SLC25A24: variants seen among roughly 807,000 people sequenced by gnomAD.
SLC25A24 encodes mitochondrial adenyl nucleotide antiporter SLC25A24.
In SLC25A24, 49 loss-of-function variants were observed where a neutral mutation model predicts 60.7. The observed-to-expected ratio is 0.81, with a 90% confidence interval of 0.64 to 1.02. The LOEUF (loss-of-function observed/expected upper bound fraction) is 1.02. Ranked by LOEUF, SLC25A24 falls within the 50% of genes least tolerant of loss-of-function variation. The pLI, the probability that SLC25A24 is intolerant of heterozygous loss-of-function variation, is 0.00. For synonymous variants in SLC25A24, 202 were observed against 200.6 expected (o/e 1.01, Z -0.06); for missense variants, 564 against 586.3 (o/e 0.96, Z 0.39).
chr1:108,174,028 A>G (rs1647576279), intron 3 of SLC25A24, among the ~76,000 whole-genome samples: 1 of 152,352 alleles, frequency 6.6e-6, no homozygotes, highest in South Asian at 2.1e-4. Context: ...TTGCACCCTG[A>G]TGATGTGACA....
Position 108,155,128 on chromosome 1 carries a change from C to T in SLC25A24, c.677G>A (p.Gly226Asp), listed in dbSNP as rs1407291831. 6.2e-7 allele frequency: 1 copy of T among 1,605,946 alleles called. No homozygotes were observed. The highest frequency in any genetic ancestry group is 1.1e-5 in the South Asian group (1 of 89,404). The change falls in exon 6 of 10, where the codon GGT becomes GAT. Residue 226 changes from glycine to aspartate, a missense_variant. Coordinates refer to ENST00000565488, the MANE Select transcript of SLC25A24 (RefSeq NM_013386.5). ...DRLKIMMQVH[G>D]SKSDKMNIFG... ...TATGTTCATTTTGTCTGATTTTGAA[C>T]CGTGAACCTAAAAATAAAAGCAGAA...
At chr1:108,156,652 C>G (rs1558012861) in intron 5 of SLC25A24, among the ~76,000 whole-genome samples, 1 of 152,206 alleles carries the variant, frequency 6.6e-6, no homozygotes, top group Non-Finnish European at 1.5e-5. Flanking sequence ...TTGTAAACAA[C>G]TACTATGTTC....
At chr1:108,178,257 G>A (rs1483069509) in intron 3 of SLC25A24, among the ~76,000 whole-genome samples, 1 of 152,020 alleles carries the variant, frequency 6.6e-6, no homozygotes, top group Non-Finnish European at 1.5e-5. Context: ...CAATAGTAGG[G>A]GACTTCAACA....
chr1:108,181,149 A>G (rs1205474427), intron 3 of SLC25A24, among the ~76,000 whole-genome samples: 1 of 94,250 alleles, frequency 1.1e-5, no homozygotes, highest in Admixed American at 1.0e-4. Context: ...AGCTGTTTGT[A>G]AAAGAAATTA....
Position 108,136,670 on chromosome 1 carries a change from C to T in SLC25A24, c.1417G>A (p.Gly473Arg). The T allele has an allele frequency of 1.9e-6, 3 of 1,613,544 alleles. No individual in the cohort carries two copies. The highest frequency in any genetic ancestry group is 1.7e-4 in the Middle Eastern group (1 of 6,058). Reference sequence around the variant, plus strand: ...ATGCAACATCATTTCTGGGTTACTCCTAAAGTTTGCTTCATATTTTCATAA... The same window carrying T: ...ATGCAACATCATTTCTGGGTTACTCTTAAAGTTTGCTTCATATTTTCATAA... ...VVYENMKQTL[G>R]VTQK The change falls in exon 10 of 10, where the codon GGA (glycine) becomes AGA (arginine). Residue 473 changes from glycine (G) to arginine (R), a missense_variant. Transcript: ENST00000565488.
In SLC25A24 at chr1:108,200,204, C is replaced by G. The variant is rs1477159090; in HGVS notation, c.-66G>C. ...GAGATCGAGGGCTGCGGGGCGAGAC[C>G]GGGACCAGCGCGAGGCCGGGCTGGG... On this transcript the variant is annotated 5_prime_UTR_variant, in exon 1 of 10. Transcript: ENST00000565488. The G allele has an allele frequency of 1.4e-6, 2 of 1,425,380 alleles. No individual in the cohort carries two copies. Among genetic ancestry groups the G allele is most frequent in the Non-Finnish European group, 1.8e-6 (2 of 1,085,086 alleles). 88.3% of individuals were successfully genotyped at this position (1,425,380 alleles called of 1,614,324 possible).
rs548879192 is a variant in SLC25A24 at position 108,194,556 on chromosome 1, T to C, written c.183+5400A>G. On this transcript the variant is annotated intron_variant, in intron 1 of 9. Coordinates refer to ENST00000565488, the MANE Select transcript of SLC25A24 (RefSeq NM_013386.5). ...AGAATTGACAGGAGAGAACAAACCA[T>C]AGAGTTGAGAGTTTCATCTAATAAA... Among the ~76,000 whole-genome samples, 5 of 95,908 alleles carry C rather than the reference T, an allele frequency of 5.2e-5. 2 individuals are homozygous for C. The South Asian group carries it at 2.1e-3, about 41-fold the overall frequency. The allele number at this position is 95,908 out of a possible 152,430, so 62.9% of individuals were successfully genotyped here. A position where few individuals can be genotyped will look rare whatever the true frequency, so the allele number is the denominator to read the frequency against.
rs1216432128 is a variant in SLC25A24 at position 108,164,190 on chromosome 1, T to C, written c.399-2897A>G. On this transcript the variant is annotated intron_variant, in intron 3 of 9. Transcript: ENST00000565488. ...TTTTTGATGTGCTGCTGGATTCAGT[T>C]TGCCAGTATTTTATTGAGGATTTTT... Among the ~76,000 whole-genome samples, 13 of 152,190 alleles carry C rather than the reference T, an allele frequency of 8.5e-5. No homozygotes were observed. In the East Asian group the frequency reaches 2.5e-3, roughly 29 times the overall value.
intron 3 of SLC25A24, among the ~76,000 whole-genome samples, chr1:108,166,603 G>A (rs2101624197): frequency 6.6e-6 from 1 of 152,156 alleles, no homozygotes; most frequent in African/African-American, 2.4e-5. Flanking sequence ...TGAGGCTTCT[G>A]CATTCTTCAT....
At chr1:108,151,224 G>GA (rs1015348756) in intron 6 of SLC25A24, among the ~76,000 whole-genome samples, 27 of 150,680 alleles carry the variant, frequency 1.8e-4, no homozygotes, top group African/African-American at 6.1e-4. Context: ...CATACAAACA[G>GA]AAAAAAAACA....
intron 1 of SLC25A24, among the ~76,000 whole-genome samples, chr1:108,194,812 T>A (rs1379737298): frequency 6.6e-6 from 1 of 152,214 alleles, no homozygotes; most frequent in Non-Finnish European, 1.5e-5. Context: ...ATGAATTTAC[T>A]ATTTATGCTA....
At chr1:108,160,051 G>A (rs1680016177) in intron 4 of SLC25A24, among the ~76,000 whole-genome samples, 1 of 152,036 alleles carries the variant, frequency 6.6e-6, no homozygotes, top group African/African-American at 2.4e-5. Context: ...GCCGGGCAGA[G>A]GCACCCCTCA....
At position 108,200,227 on chromosome 1, in the gene SLC25A24, G is replaced by A. The variant is rs1648623672; in HGVS notation, c.-89C>T. ...ACCGGGACCAGCGCGAGGCCGGGCT[G>A]GGCGGGGCGCGCGGCGCAACAGCGT... is the stretch of plus-strand genomic sequence containing the variant. On this transcript the variant is annotated 5_prime_UTR_variant, in exon 1 of 10. Transcript: ENST00000565488. The A allele has an allele frequency of 1.6e-5, 21 of 1,293,840 alleles. No individual in the cohort carries two copies. In the South Asian group the frequency reaches 3.3e-4, roughly 20 times the overall value. 80.1% of individuals were successfully genotyped at this position (1,293,840 alleles called of 1,614,324 possible).
intron 7 of SLC25A24, among the ~76,000 whole-genome samples, chr1:108,147,036 T>C (rs1679622367): frequency 6.6e-6 from 1 of 152,218 alleles, no homozygotes; most frequent in Admixed American, 6.5e-5. Flanking sequence ...TATGAATCTG[T>C]CTGGTCCTGG....
At chr1:108,164,056 GT>G (rs1193591245) in intron 3 of SLC25A24, among the ~76,000 whole-genome samples, 1 of 152,132 alleles carries the variant, frequency 6.6e-6, no homozygotes, top group East Asian at 1.9e-4. Flanking sequence ...TAATCATGTG[GT>G]TTTTGTCTTT....
intron 9 of SLC25A24, among the ~76,000 whole-genome samples, chr1:108,137,165 T>G (rs926541516): frequency 6.6e-6 from 1 of 152,054 alleles, no homozygotes; most frequent in African/African-American, 2.4e-5. Flanking sequence ...ATGGAGAAAT[T>G]TGTCCTAAAA....
At chr1:108,176,845 C>G (rs996660791) in intron 3 of SLC25A24, among the ~76,000 whole-genome samples, 1 of 151,996 alleles carries the variant, frequency 6.6e-6, no homozygotes, top group Non-Finnish European at 1.5e-5. Context: ...TAATCATGAC[C>G]GCACCTATTT....
At chr1:108,150,595 G>C (rs1679730579) in intron 6 of SLC25A24, among the ~76,000 whole-genome samples, 1 of 152,160 alleles carries the variant, frequency 6.6e-6, no homozygotes, top group African/African-American at 2.4e-5. Context: ...AGGAAGAGTA[G>C]AGAGGCCACC....
At chr1:108,143,732 A>C in intron 7 of SLC25A24, 22 bp from the exon 8 acceptor site, 1 of 1,589,470 alleles carries the variant, frequency 6.3e-7, no homozygotes, top group Non-Finnish European at 8.6e-7. Flanking sequence ...AAAAAACAAA[A>C]TATGATTGTT....
Sources: allele counts gnomAD v4.1 joint callset (sites outside exome capture counted in the v4.1 genomes callset), GRCh38; gene constraint gnomAD v4.1.1; transcripts MANE v1.5; gene names NCBI Gene and HGNC (gene_info 2026-07-23, HGNC 2026-07-21).